LRP8: variants seen among roughly 807,000 people sequenced by gnomAD.
LRP8 encodes LDL receptor related protein 8.
In LRP8, 46 loss-of-function variants were observed where a neutral mutation model predicts 111.6. The observed-to-expected ratio is 0.41, with a 90% confidence interval of 0.33 to 0.53. The LOEUF (loss-of-function observed/expected upper bound fraction) is 0.53. Among genes scored for constraint, LRP8 ranks in the 20% least tolerant of loss-of-function variants. LRP8 has a pLI of 0.20. For synonymous variants in LRP8, 464 were observed against 511.2 expected (o/e 0.91, Z 1.24); for missense variants, 959 against 1,297.4 (o/e 0.74, Z 4.01).
At chr1:53,326,820 C>T in intron 2 of LRP8, 53 bp downstream of exon 2, 1 of 1,580,422 alleles carries the variant, frequency 6.3e-7, no homozygotes, top group African/African-American at 1.4e-5. Flanking sequence ...GCATGGTGCC[C>T]CCCACCGTTC....
chr1:53,263,097 G>T (rs1201080339), intron 10 of LRP8, among the ~76,000 whole-genome samples: 1 of 152,188 alleles, frequency 6.6e-6, no homozygotes, highest in East Asian at 1.9e-4. Context: ...GTTTCCTCCT[G>T]GGACCCTGAC....
At chr1:53,314,622 AG>A (rs1428841884) in intron 2 of LRP8, among the ~76,000 whole-genome samples, 1 of 152,184 alleles carries the variant, frequency 6.6e-6, no homozygotes, top group Admixed American at 6.5e-5. Context: ...ACAGAAGAGC[AG>A]GTTTTCTAAC....
rs746149555 is a variant in LRP8, at chr1:53,257,367, G to A, written c.2307C>T (p.Thr769=). 1.2e-5 allele frequency: 19 copies of A among 1,614,082 alleles called. No homozygotes were observed. The East Asian group carries it at 4.2e-4, about 36-fold the overall frequency. ...GTGTCTCTGTGCTGTGGTTCTGGTA[G>A]GTGGATCTGTGGACGGTGGTCCCGG... ...RAPGTTVHRS[T]YQNHSTETPS... The change falls in exon 15 of 19, where the codon ACC becomes ACT. Residue 769 remains threonine, a synonymous_variant. Coordinates refer to ENST00000306052, the MANE Select transcript of LRP8 (RefSeq NM_004631.5).
chr1:53,327,651 C>T, intron 1 of LRP8, 138 bp downstream of exon 1: 1 of 1,266,962 alleles, frequency 7.9e-7, no homozygotes, highest in Non-Finnish European at 1.0e-6. Context: ...TCAGGAATAG[C>T]CGCTTCGCGT....
intron 2 of LRP8, among the ~76,000 whole-genome samples, chr1:53,306,798 C>T (rs1652046738): frequency 6.6e-6 from 1 of 152,232 alleles, no homozygotes; most frequent in African/African-American, 2.4e-5. Context: ...TGGGCCTCAG[C>T]TTTGGCTCTG....
intron 3 of LRP8, chr1:53,287,996 G>T (rs539956096): frequency 7.6e-5 from 10 of 130,772 alleles, no homozygotes; most frequent in African/African-American, 2.8e-4. Context: ...TGGGGGTGGG[G>T]CAGGGGGAGA....
At chr1:53,327,230 GGTATA>G in intron 1 of LRP8, 1 of 559,698 alleles carries the variant, frequency 1.8e-6, no homozygotes, top group South Asian at 2.2e-5. Flanking sequence ...ACACGACCTG[GGTATA>G]CCCTCCATTC....
chr1:53,326,913 C>G lies in LRP8; in HGVS notation c.204G>C (p.Glu68Asp). Reference protein sequence around the residue: ...RCIPSVWRCDEDDDCLDHSDE... With the variant: ...RCIPSVWRCDDDDDCLDHSDE... ...CGCTGTGGTCTAAGCAGTCATCGTCCTCGTCGCATCTCCACACAGAGGGGA... is the reference window on the plus strand; with the variant it reads ...CGCTGTGGTCTAAGCAGTCATCGTCGTCGTCGCATCTCCACACAGAGGGGA... Residue 68 changes from glutamate (E) to aspartate (D), a missense_variant, in exon 2 of 19, where the codon GAG becomes GAC. Physicochemically the swap from Glu to Asp is conservative, Grantham distance 45. Coordinates refer to ENST00000306052, the MANE Select transcript of LRP8 (RefSeq NM_004631.5). 1 of 1,613,982 alleles carries G rather than the reference C, an allele frequency of 6.2e-7. No individual in the cohort carries two copies. The highest frequency in any genetic ancestry group is 8.5e-7 in the Non-Finnish European group (1 of 1,180,002).
intron 9 of LRP8, among the ~76,000 whole-genome samples, chr1:53,265,840 C>G (rs1646533257): frequency 6.6e-6 from 1 of 152,218 alleles, no homozygotes; most frequent in Non-Finnish European, 1.5e-5. Context: ...CTGAAGAGGG[C>G]CCAGACATGC....
intron 8 of LRP8, among the ~76,000 whole-genome samples, chr1:53,270,218 A>G (rs1646718338): frequency 6.6e-6 from 1 of 152,124 alleles, no homozygotes; most frequent in Non-Finnish European, 1.5e-5. Context: ...AGTCTAGAAA[A>G]TCTCACACCT....
chr1:53,327,613 C>T (rs1440087387), intron 1 of LRP8, among the ~76,000 whole-genome samples, 176 bp downstream of exon 1: 1 of 151,612 alleles, frequency 6.6e-6, no homozygotes, highest in Non-Finnish European at 1.5e-5. Context: ...ACACCGAGGC[C>T]CGCGGGGGCG....
intron 13 of LRP8, among the ~76,000 whole-genome samples, chr1:53,259,257 G>T (rs879383153): frequency 6.6e-6 from 1 of 152,082 alleles, no homozygotes; most frequent in African/African-American, 2.4e-5. Context: ...AACTATAGGC[G>T]CATGCCACCA....
intron 8 of LRP8, among the ~76,000 whole-genome samples, chr1:53,268,960 C>T (rs183986467): frequency 2.9e-3 from 446 of 152,348 alleles, no homozygotes; most frequent in African/African-American, 0.01. Context: ...TGCCTTCTCC[C>T]TTGTCCTCTA....
At chr1:53,281,084 A>G (rs1647091967) in intron 3 of LRP8, among the ~76,000 whole-genome samples, 1 of 152,122 alleles carries the variant, frequency 6.6e-6, no homozygotes, top group South Asian at 2.1e-4. Flanking sequence ...GCCATTTCCC[A>G]GCTGTGTGCC....
intron 1 of LRP8, chr1:53,327,268 G>A (rs1419841976): frequency 1.1e-5 from 5 of 474,890 alleles, no homozygotes; most frequent in Admixed American, 3.6e-5. Flanking sequence ...CCGCACACGC[G>A]ACCCATAGTC....
rs970885390 is a variant in LRP8 at position 53,294,646 on chromosome 1, G to GTGTA, written c.245-4961_245-4958dup. Among the ~76,000 whole-genome samples the GTGTA allele has an allele frequency of 4.6e-5, 7 of 152,228 alleles. No individual in the cohort carries two copies. Among genetic ancestry groups the GTGTA allele is most frequent in the African/African-American group, 1.7e-4 (7 of 41,460 alleles). On this transcript the variant is annotated intron_variant, in intron 2 of 18. Transcript: ENST00000306052. This position sits in a 1 kb window ranked among gnomAD's most constrained non-coding sequence, Gnocchi z 4.1. Reference sequence around the variant, plus strand: ...ACAGCCCTGGCCCCAGCTGCCGTGTGTGTAACACTGGGCCCATCCGTCAAA... The same window carrying GTGTA: ...ACAGCCCTGGCCCCAGCTGCCGTGTGTGTATGTAACACTGGGCCCATCCGTCAAA...
At chr1:53,297,458 G>A (rs1365041407) in intron 2 of LRP8, among the ~76,000 whole-genome samples, 4 of 152,196 alleles carry the variant, frequency 2.6e-5, no homozygotes, top group Non-Finnish European at 5.9e-5. Flanking sequence ...TGTGGTGGGC[G>A]GGACTCGGTG....
chr1:53,326,803 G>A, intron 2 of LRP8, 70 bp downstream of exon 2: 3 of 1,535,720 alleles, frequency 2.0e-6, no homozygotes, highest in Non-Finnish European at 2.6e-6. Context: ...AGCCACGTGC[G>A]CGCCAAGCAT....
chr1:53,270,899 G>T, intron 8 of LRP8, 129 bp downstream of exon 8: 2 of 1,355,600 alleles, frequency 1.5e-6, no homozygotes, highest in Non-Finnish European at 2.1e-6. Context: ...GAGGATTCCC[G>T]TACCTCTCAG....
Sources: allele counts gnomAD v4.1 joint callset (sites outside exome capture counted in the v4.1 genomes callset), GRCh38; gene constraint gnomAD v4.1.1; non-coding constraint Gnocchi (gnomAD v3.1); transcripts MANE v1.5; gene names NCBI Gene and HGNC (gene_info 2026-07-23, HGNC 2026-07-21).